The following CSNK1G2 variants were observed in gnomAD, a reference collection of about 807,000 sequenced individuals.
CSNK1G2 encodes the protein casein kinase 1 gamma 2.
Under a neutral mutation model 48.0 loss-of-function variants are expected in CSNK1G2, and 11 were observed. The observed-to-expected ratio is 0.23, with a 90% CI of 0.14 to 0.38. The LOEUF (loss-of-function observed/expected upper bound fraction) is 0.38, where lower values mean the gene tolerates loss of function less well. Ranked by LOEUF, CSNK1G2 falls within the 10% of genes least tolerant of loss-of-function variation. CSNK1G2 has a pLI of 1.00. For synonymous variants in CSNK1G2, 337 were observed against 254.1 expected (o/e 1.33, Z -3.10); for missense variants, 446 against 595.5 (o/e 0.75, Z 2.61).
intron 1 of CSNK1G2, among the ~76,000 whole-genome samples, chr19:1,961,429 G>A (rs938034671): frequency 2.0e-4 from 31 of 152,356 alleles, no homozygotes; most frequent in Admixed American, 5.9e-4. Context: ...CCATGCTGAG[G>A]AGCCTCGCAG....
intron 2 of CSNK1G2, among the ~76,000 whole-genome samples, chr19:1,970,622 A>C (rs1599320891): frequency 6.6e-6 from 1 of 152,040 alleles, no homozygotes; most frequent in East Asian, 1.9e-4. Context: ...AGCTCTGAGC[A>C]CCTTTGGGGC....
chr19:1,966,172 G>C (rs541463118), intron 1 of CSNK1G2, among the ~76,000 whole-genome samples: 1 of 152,328 alleles, frequency 6.6e-6, no homozygotes, highest in South Asian at 2.1e-4. Context: ...CAATTCCTCT[G>C]ATGGAGCTGG....
At chr19:1,958,131 G>T (rs1203337966) in intron 1 of CSNK1G2, among the ~76,000 whole-genome samples, 1 of 152,066 alleles carries the variant, frequency 6.6e-6, no homozygotes, top group African/African-American at 2.4e-5. Flanking sequence ...TGGAAGCACA[G>T]CGCAGCCTCA....
chr19:1,975,881 C>CA (rs1355700719), intron 2 of CSNK1G2: 1 of 719,242 alleles, frequency 1.4e-6, no homozygotes, highest in Non-Finnish European at 1.7e-6. Flanking sequence ...AGTAAAAATA[C>CA]AAAAATTAGC....
intron 2 of CSNK1G2, among the ~76,000 whole-genome samples, chr19:1,977,021 A>G (rs199831969): frequency 1.8e-4 from 27 of 152,178 alleles, no homozygotes; most frequent in East Asian, 9.7e-4. Context: ...TTACAGGCAT[A>G]AGCCACCGTG....
chr19:1,959,087 C>T (rs1488991240), intron 1 of CSNK1G2, among the ~76,000 whole-genome samples: 1 of 151,258 alleles, frequency 6.6e-6, no homozygotes, highest in Admixed American at 6.6e-5. Context: ...GGGCTGTACC[C>T]GCTAGCTGTG....
rs368684304 is a variant in CSNK1G2 at position 1,969,928 on chromosome 19, C to T, written c.156C>T (p.Ile52=). 4.8e-5 allele frequency: 63 copies of T among 1,311,314 alleles called. 1 individual carries two copies. In the African/African-American group the frequency reaches 5.1e-4, roughly 11 times the overall value. 81.2% of individuals were successfully genotyped at this position (1,311,314 alleles called of 1,614,324 possible). ...CCAACTTCCGCGTCGGCAAGAAGAT[C>T]GGCTGCGGCAACTTCGGGGAGCTCC... ...VGPNFRVGKK[I]GCGNFGELRL... is the part of the protein sequence containing the mutation. The change falls in exon 2 of 12, where the codon ATC becomes ATT. Residue 52 remains isoleucine (I), a synonymous_variant. Transcript: ENST00000255641.
chr19:1,953,149 C>T (rs2014840231), intron 1 of CSNK1G2: 17 of 370,954 alleles, frequency 4.6e-5, no homozygotes, highest in South Asian at 3.4e-4. Flanking sequence ...GGGTCCCACT[C>T]GCCCCCGGGA....
chr19:1,969,617 C>G lies in CSNK1G2; in HGVS notation c.-156C>G, dbSNP rs550769172. The G allele has an allele frequency of 1.7e-6, 1 of 594,384 alleles. No individual in the cohort carries two copies. 36.8% of individuals were successfully genotyped at this position (594,384 alleles called of 1,614,324 possible). Reference sequence around the variant, plus strand: ...AGCAGCGCGGCCTGGCCGGCCCGAACGCCTGCGTCTCAGTAGCTGGGAGCC... The same window carrying G: ...AGCAGCGCGGCCTGGCCGGCCCGAAGGCCTGCGTCTCAGTAGCTGGGAGCC... On this transcript the variant is annotated 5_prime_UTR_variant, in exon 2 of 12. Transcript: ENST00000255641.
rs890349318 is a variant in CSNK1G2 at position 1,980,398 on chromosome 19, C to G, written c.*195C>G. On this transcript the variant is annotated 3_prime_UTR_variant, in exon 12 of 12. Coordinates refer to ENST00000255641, the MANE Select transcript of CSNK1G2 (RefSeq NM_001319.7). ...GTGGGGTCACTTCCTTCATGTAAGA[C>G]TTTGGCCGAAATTTCTACACCTGTG... The G allele has an allele frequency of 1.5e-6, 1 of 668,344 alleles. No individual in the cohort carries two copies. The highest frequency in any genetic ancestry group is 1.8e-5 in the African/African-American group (1 of 54,834). 41.4% of individuals were successfully genotyped at this position (668,344 alleles called of 1,614,324 possible).
chr19:1,967,585 G>A (rs922295642), intron 1 of CSNK1G2, among the ~76,000 whole-genome samples: 77 of 152,208 alleles, frequency 5.1e-4, no homozygotes, highest in Admixed American at 1.0e-3. Context: ...GCTTGAGGGC[G>A]ACGAGGTGAC....
At position 1,941,591 on chromosome 19, in the gene CSNK1G2, A is replaced by T. The variant is rs373551093; in HGVS notation, c.-266+173A>T. Among the ~76,000 whole-genome samples, 10 of 129,976 alleles carry T rather than the reference A, an allele frequency of 7.7e-5. No homozygotes were observed. In the East Asian group the frequency reaches 1.4e-3, roughly 19 times the overall value. 85.3% of individuals were successfully genotyped at this position (129,976 alleles called of 152,430 possible). On this transcript the variant is annotated intron_variant, in intron 1 of 11. Transcript: ENST00000255641. ...CCCCAACCCGTCTAACCGCCCCGCA[A>T]GCTGACCCCCACACTCAGGGCCCCA...
At chr19:1,953,372 G>T in intron 1 of CSNK1G2, 1 of 533,676 alleles carries the variant, frequency 1.9e-6, no homozygotes. Flanking sequence ...GGGCCTGGGT[G>T]GGGGTGTTCT....
intron 1 of CSNK1G2, among the ~76,000 whole-genome samples, chr19:1,967,154 G>T (rs968626061): frequency 6.6e-6 from 1 of 152,204 alleles, no homozygotes; most frequent in Non-Finnish European, 1.5e-5. Flanking sequence ...GGCTGTTGCC[G>T]TGCGGAACCC....
intron 1 of CSNK1G2, among the ~76,000 whole-genome samples, chr19:1,950,696 G>A (rs1281665026): frequency 1.4e-5 from 2 of 145,260 alleles, no homozygotes; most frequent in Admixed American, 1.4e-4. Flanking sequence ...GCCGCCCACC[G>A]AACACCAAGG....
In CSNK1G2 at chr19:1,969,839, G is replaced by A. The variant is rs762773212; in HGVS notation, c.67G>A (p.Gly23Arg). ...GGGCCGGAGAATGTCCAAGGCCGGCGGGGGCCGGAGCAGCCACGGCATCCG... is the reference window on the plus strand; with the variant it reads ...GGGCCGGAGAATGTCCAAGGCCGGCAGGGGCCGGAGCAGCCACGGCATCCG... The part of the protein sequence containing the change: ...EEGRRMSKAG[G>R]GRSSHGIRSS... The change falls in exon 2 of 12, where the codon GGG becomes AGG. Residue 23 changes from glycine to arginine, a missense_variant. Gly to Arg is a moderately radical substitution (Grantham distance 125). This residue lies in a region of CSNK1G2 where 258 missense variants were observed against 415.9 expected (regional missense o/e 0.62). Coordinates refer to ENST00000255641, the MANE Select transcript of CSNK1G2 (RefSeq NM_001319.7). 4.7e-5 allele frequency: 62 copies of A among 1,310,838 alleles called. No homozygotes were observed. The highest frequency in any genetic ancestry group is 9.5e-5 in the South Asian group (3 of 31,712). 81.2% of individuals were successfully genotyped at this position (1,310,838 alleles called of 1,614,324 possible).
chr19:1,970,109 C>T (rs1199407620), intron 2 of CSNK1G2, 150 bp downstream of exon 2: 5 of 520,260 alleles, frequency 9.6e-6, no homozygotes, highest in African/African-American at 2.0e-5. Flanking sequence ...ATCATCAGTC[C>T]GTCGTGGTGC....
At chr19:1,949,385 G>T (rs1015960719) in intron 1 of CSNK1G2, among the ~76,000 whole-genome samples, 5 of 152,202 alleles carry the variant, frequency 3.3e-5, no homozygotes, top group African/African-American at 1.2e-4. Context: ...CCTCCTAGGG[G>T]TGGAATCACA....
intron 1 of CSNK1G2, among the ~76,000 whole-genome samples, chr19:1,963,414 G>A (rs1036715141): frequency 1.3e-5 from 2 of 150,846 alleles, no homozygotes; most frequent in African/African-American, 2.4e-5. Flanking sequence ...GGGTTTCACC[G>A]TGTCAGCCAG....
Sources: gnomAD v4.1 joint callset for allele counts (sites outside exome capture counted in the v4.1 genomes callset) on GRCh38, gnomAD v4.1.1 for gene constraint, gnomAD v4.1.1 regional missense constraint, MANE v1.5 for transcripts, NCBI Gene and HGNC (gene_info 2026-07-23, HGNC 2026-07-21) for gene names.